Variants in SPINT2 observed in about 807,000 individuals in gnomAD.
SPINT2 encodes kunitz-type protease inhibitor 2.
SPINT2 carries 18 observed loss-of-function variants against 30.1 expected under a neutral mutation model. The ratio of observed to expected loss-of-function variants is 0.60; its 90% CI spans 0.41 to 0.89. SPINT2 has a LOEUF of 0.89. Ranked by LOEUF, SPINT2 falls within the 40% of genes least tolerant of loss-of-function variation. The probability of loss-of-function intolerance (pLI) is 0.00; values close to 1 mark genes in which losing one functional copy is unlikely to be tolerated. For synonymous variants in SPINT2, 139 were observed against 137.9 expected, an observed-to-expected ratio of 1.01 and a Z score of -0.05; for missense variants, 276 against 334.3, an observed-to-expected ratio of 0.83 and a Z score of 1.36.
intron 1 of SPINT2, among the ~76,000 whole-genome samples, chr19:38,274,319 CT>C (rs202066194): frequency 2.0e-5 from 3 of 150,524 alleles, no homozygotes; most frequent in African/African-American, 7.3e-5. Context: ...TTTTTTCTTT[CT>C]TTTTTTTTGA....
chr19:38,269,856 G>T (rs775662948), intron 1 of SPINT2, among the ~76,000 whole-genome samples: 1 of 152,224 alleles, frequency 6.6e-6, no homozygotes, highest in South Asian at 2.1e-4. Context: ...TGATCTGCCC[G>T]CCTCGGCCTC....
chr19:38,287,362 C>A (rs542399248), intron 2 of SPINT2, among the ~76,000 whole-genome samples: 1 of 152,328 alleles, frequency 6.6e-6, no homozygotes, highest in East Asian at 1.9e-4. Flanking sequence ...CCACACCCGG[C>A]TAATTTTTTG....
At chr19:38,287,975 G>A (rs573789641) in intron 3 of SPINT2, 40 bp downstream of exon 3, 21 of 1,599,768 alleles carry the variant, frequency 1.3e-5, no homozygotes, top group South Asian at 7.7e-5. Context: ...TGAGGCCACC[G>A]GATGGGTCAT....
At chr19:38,277,354 C>CCTACCTTA (rs1968532510) in intron 1 of SPINT2, among the ~76,000 whole-genome samples, 1 of 152,066 alleles carries the variant, frequency 6.6e-6, no homozygotes, top group Non-Finnish European at 1.5e-5. Flanking sequence ...AGGTGATCCT[C>CCTACCTTA]CTACCTTAGC....
At chr19:38,286,180 C>T (rs1194839544) in intron 2 of SPINT2, among the ~76,000 whole-genome samples, 1 of 152,240 alleles carries the variant, frequency 6.6e-6, no homozygotes, top group Non-Finnish European at 1.5e-5. Context: ...GGCATATTCT[C>T]TCCCAGGCAG....
At chr19:38,276,628 C>T (rs1325046914) in intron 1 of SPINT2, among the ~76,000 whole-genome samples, 1 of 151,260 alleles carries the variant, frequency 6.6e-6, no homozygotes, top group Non-Finnish European at 1.5e-5. Flanking sequence ...GGCGACAGAG[C>T]GAGACTCCAT....
At chr19:38,289,338 G>T in intron 4 of SPINT2, 147 bp downstream of exon 4, 1 of 665,014 alleles carries the variant, frequency 1.5e-6, no homozygotes, top group Non-Finnish European at 2.7e-6. Flanking sequence ...CGAAAAATTA[G>T]CTGGACGTAG....
At chr19:38,277,864 T>A (rs1968538162) in intron 1 of SPINT2, among the ~76,000 whole-genome samples, 1 of 152,230 alleles carries the variant, frequency 6.6e-6, no homozygotes. Context: ...TGCTTAGATA[T>A]TCTGAAGCTT....
Position 38,283,617 on chromosome 19 carries a change from C to T in SPINT2, c.107-10C>T, listed in dbSNP as rs200870624. Reference sequence around the variant, plus strand: ...CTGCCAAGCTAACCGGGTTGTGCTTCGCGTTTCAGACTTCTGCCTGGTGTC... The same window carrying T: ...CTGCCAAGCTAACCGGGTTGTGCTTTGCGTTTCAGACTTCTGCCTGGTGTC... On this transcript the variant is annotated splice_polypyrimidine_tract_variant and intron_variant, in intron 1 of 6. Coordinates refer to ENST00000301244, the MANE Select transcript of SPINT2 (RefSeq NM_021102.4). The T allele has an allele frequency of 1.2e-5, 19 of 1,613,936 alleles. No individual in the cohort carries two copies. The highest frequency in any genetic ancestry group is 5.3e-5 in the African/African-American group (4 of 74,994).
At chr19:38,271,597 G>A (rs1041732433) in intron 1 of SPINT2, among the ~76,000 whole-genome samples, 1 of 152,112 alleles carries the variant, frequency 6.6e-6, no homozygotes, top group Admixed American at 6.6e-5. Context: ...ACTTTGGGAG[G>A]CCGAGGTGGG....
At chr19:38,267,717 T>C (rs1459534714) in intron 1 of SPINT2, among the ~76,000 whole-genome samples, 1 of 152,016 alleles carries the variant, frequency 6.6e-6, no homozygotes, top group Non-Finnish European at 1.5e-5. Flanking sequence ...ACCATCTACC[T>C]GGATATAGAA....
rs1409082421 is a variant in SPINT2, at chr19:38,283,663, G to A, written c.143G>A (p.Arg48Gln). ...GTGTCGAAGGTGGTGGGCAGATGCC[G>A]GGCCTCCATGCCTAGGTGGTGGTAC... ...CLVSKVVGRC[R>Q]ASMPRWWYNV... The change falls in exon 2 of 7, where the codon CGG (arginine) becomes CAG (glutamine). Residue 48 changes from arginine (R) to glutamine (Q), a missense_variant. Transcript: ENST00000301244. 5.0e-6 allele frequency: 8 copies of A among 1,614,000 alleles called. No individual in the cohort carries two copies. The highest frequency in any genetic ancestry group is 4.4e-5 in the South Asian group (4 of 91,080).
At chr19:38,283,929 C>G in intron 2 of SPINT2, 132 bp downstream of exon 2, 1 of 1,091,712 alleles carries the variant, frequency 9.2e-7, no homozygotes, top group Non-Finnish European at 1.3e-6. Flanking sequence ...GCAAGCTCCG[C>G]CTCCCGGGTT....
intron 3 of SPINT2, 132 bp downstream of exon 3, chr19:38,288,067 G>C (rs1345757027): frequency 3.8e-6 from 4 of 1,049,318 alleles, no homozygotes; most frequent in Non-Finnish European, 5.9e-6. Flanking sequence ...CAAACCGGGG[G>C]CTCTGCCTGG....
intron 1 of SPINT2, among the ~76,000 whole-genome samples, chr19:38,277,939 A>T (rs895517982): frequency 1.3e-5 from 2 of 152,216 alleles, no homozygotes; most frequent in South Asian, 2.1e-4. Flanking sequence ...TTTTGAAAAC[A>T]TACAGAATGT....
intron 2 of SPINT2, among the ~76,000 whole-genome samples, chr19:38,286,739 C>T (rs569649434): frequency 3.1e-4 from 47 of 152,232 alleles, no homozygotes; most frequent in African/African-American, 9.6e-4. Context: ...GCTGAGATCG[C>T]GCCAGAGCAC....
At chr19:38,266,532 T>C (rs113261045) in intron 1 of SPINT2, among the ~76,000 whole-genome samples, 5,617 of 152,044 alleles carry the variant, frequency 0.037, 163 homozygotes, top group East Asian at 0.15. Flanking sequence ...AAAAATTAGC[T>C]GGGCATGGTG....
intron 1 of SPINT2, among the ~76,000 whole-genome samples, chr19:38,279,390 A>C (rs1968555168): frequency 6.6e-6 from 1 of 151,904 alleles, no homozygotes; most frequent in African/African-American, 2.4e-5. Flanking sequence ...CCAGCTACTC[A>C]GGAGGCTGAG....
rs753170771 is a variant in SPINT2, at chr19:38,286,265, G to A, written c.278-1611G>A. ...TCATCATGAGAACCAGGACCGCCCC[G>A]GGGAGCAGGCACTCGTGTCCCCGGG... On this transcript the variant is annotated intron_variant, in intron 2 of 6. Transcript: ENST00000301244. Among the ~76,000 whole-genome samples, 5 of 152,110 alleles carry A rather than the reference G, an allele frequency of 3.3e-5. 1 individual carries two copies. The highest frequency in any genetic ancestry group is 4.1e-4 in the South Asian group (2 of 4,826).
Sources: allele counts gnomAD v4.1 joint callset (sites outside exome capture counted in the v4.1 genomes callset), GRCh38; gene constraint gnomAD v4.1.1; transcripts MANE v1.5; gene names NCBI Gene and HGNC (gene_info 2026-07-23, HGNC 2026-07-21).